Variants in IL2RA observed in about 807,000 individuals in gnomAD.
The protein encoded by IL2RA is interleukin-2 receptor subunit alpha.
In IL2RA, 24 loss-of-function variants were observed where a neutral mutation model predicts 37.8. That is an observed-to-expected ratio of 0.63 (90% CI 0.46 to 0.89). The LOEUF is 0.89. Among genes scored for constraint, IL2RA ranks in the 40% least tolerant of loss-of-function variants. The probability of loss-of-function intolerance (pLI) is 0.00; values close to 1 mark genes in which losing one functional copy is unlikely to be tolerated. For synonymous variants in IL2RA, 125 were observed against 114.6 expected, an observed-to-expected ratio of 1.09 and a Z score of -0.58; for missense variants, 319 against 348.6, an observed-to-expected ratio of 0.92 and a Z score of 0.68.
rs1055714834 is a variant in IL2RA, at chr10:6,054,199, C to T, written c.64+7889G>A. On this transcript the variant is annotated intron_variant, in intron 1 of 7. Coordinates refer to ENST00000379959, the MANE Select transcript of IL2RA (RefSeq NM_000417.3). The surrounding 1 kb of genome is among the most constrained non-coding windows in gnomAD (Gnocchi z 4.5). ...AGGCGGAGCTGCTGGTCAAAAACCC[C>T]CCGGGGAACTGGTTGGGTGTGGGAG... Among the ~76,000 whole-genome samples, 1 of 152,192 alleles carries T rather than the reference C, an allele frequency of 6.6e-6. No homozygotes were observed. Among genetic ancestry groups the T allele is most frequent in the African/African-American group, 2.4e-5 (1 of 41,444 alleles).
rs539350013 is a variant in IL2RA at position 6,010,833 on chromosome 10, C to T, written c.*2039G>A. On this transcript the variant is annotated 3_prime_UTR_variant, in exon 8 of 8. Coordinates refer to ENST00000379959, the MANE Select transcript of IL2RA (RefSeq NM_000417.3). ...TTTGAGAGAAGGACAGATAAATGGTCGATAACATCTTAGTATTATCATGGA... is the reference window on the plus strand; with the variant it reads ...TTTGAGAGAAGGACAGATAAATGGTTGATAACATCTTAGTATTATCATGGA... 2 of 152,148 alleles carry T rather than the reference C, an allele frequency of 1.3e-5. No individual in the cohort carries two copies. Among genetic ancestry groups the T allele is most frequent in the East Asian group, 1.9e-4 (1 of 5,268 alleles). 9.4% of individuals were successfully genotyped at this position (152,148 alleles called of 1,614,324 possible). A position where few individuals can be genotyped will look rare whatever the true frequency, so the allele number is the denominator to read the frequency against.
chr10:6,040,491 G>A (rs1839754980), intron 1 of IL2RA, among the ~76,000 whole-genome samples: 1 of 152,150 alleles, frequency 6.6e-6, no homozygotes, highest in Non-Finnish European at 1.5e-5. Context: ...GTTGTTGCCT[G>A]CCCACATTAC....
intron 1 of IL2RA, among the ~76,000 whole-genome samples, chr10:6,032,205 A>G (rs779342082): frequency 2.0e-5 from 3 of 152,102 alleles, no homozygotes; most frequent in Non-Finnish European, 4.4e-5. Flanking sequence ...ATATATAAAG[A>G]TAAAGATCTA....
intron 1 of IL2RA, among the ~76,000 whole-genome samples, chr10:6,032,558 T>G (rs940476894): frequency 6.6e-6 from 1 of 151,930 alleles, no homozygotes; most frequent in South Asian, 2.1e-4. Context: ...CCGGGTGTGG[T>G]GGTGTGCGCC....
At chr10:6,031,477 T>A (rs548828254) in intron 1 of IL2RA, among the ~76,000 whole-genome samples, 1 of 31,292 alleles carries the variant, frequency 3.2e-5, no homozygotes, top group Non-Finnish European at 5.3e-5. Context: ...TATATATATA[T>A]ATATATATAT....
At chr10:6,050,731 A>G (rs1378393191) in intron 1 of IL2RA, among the ~76,000 whole-genome samples, 1 of 152,252 alleles carries the variant, frequency 6.6e-6, no homozygotes, top group Non-Finnish European at 1.5e-5. Flanking sequence ...TCACAGAAGC[A>G]GAGCACGCAG....
Position 6,012,694 on chromosome 10 carries a change from G to A in IL2RA, c.*178C>T, listed in dbSNP as rs1053883274. The stretch of plus-strand genomic sequence containing the variant: ...TCTCTGATGGGACTGAGCTGGCATA[G>A]AGACAAGGTTGCCACTGCCCCGTGT... On this transcript the variant is annotated 3_prime_UTR_variant, in exon 8 of 8. Transcript: ENST00000379959. This position sits in a 1 kb window ranked among gnomAD's most constrained non-coding sequence, Gnocchi z 4.8. 1.4e-6 allele frequency: 1 copy of A among 694,004 alleles called. No individual in the cohort carries two copies. Among genetic ancestry groups the A allele is most frequent in the Non-Finnish European group, 2.6e-6 (1 of 379,062 alleles). 43.0% of individuals were successfully genotyped at this position (694,004 alleles called of 1,614,324 possible). A position where few individuals can be genotyped will look rare whatever the true frequency, so the allele number is the denominator to read the frequency against.
intron 7 of IL2RA, 109 bp from the exon 8 acceptor site, chr10:6,013,005 T>C (rs1475356854): frequency 1.9e-6 from 2 of 1,043,732 alleles, no homozygotes; most frequent in East Asian, 2.4e-5. Context: ...AATTTTTGTA[T>C]TTTTAGTAGA....
rs1839647386 is a variant in IL2RA at position 6,034,407 on chromosome 10, T to C, written c.65-8382A>G. Among the ~76,000 whole-genome samples the C allele has an allele frequency of 2.0e-5, 3 of 151,854 alleles. No individual in the cohort carries two copies. The East Asian group carries it at 5.8e-4, about 29-fold the overall frequency. On this transcript the variant is annotated intron_variant, in intron 1 of 7. Coordinates refer to ENST00000379959, the MANE Select transcript of IL2RA (RefSeq NM_000417.3). ...GTGTGTGGAAAGGTACGCTGGAGGG[T>C]TGCTCTTTTTCAATCTAATAGGAAT...
Position 6,033,804 on chromosome 10 carries a change from G to C in IL2RA, c.65-7779C>G, listed in dbSNP as rs530747595. On this transcript the variant is annotated intron_variant, in intron 1 of 7. Transcript: ENST00000379959. This position sits in a 1 kb window ranked among gnomAD's most constrained non-coding sequence, Gnocchi z 4.3. The stretch of plus-strand genomic sequence containing the variant: ...GTGGTAGGTGGGTATTGACCAGAAG[G>C]CAGAAGTGATGAAAACGTTTTTGCA... Among the ~76,000 whole-genome samples the C allele has an allele frequency of 6.6e-6, 1 of 152,302 alleles. No homozygotes were observed. The highest frequency in any genetic ancestry group is 1.9e-4 in the East Asian group (1 of 5,190).
intron 1 of IL2RA, among the ~76,000 whole-genome samples, chr10:6,053,470 C>A (rs12722499): frequency 2.6e-5 from 4 of 152,158 alleles, no homozygotes; most frequent in Admixed American, 1.3e-4. Context: ...CAAATAAGAA[C>A]GAAAGGAAAC....
At chr10:6,061,851 T>C (rs1238487757) in intron 1 of IL2RA, among the ~76,000 whole-genome samples, 1 of 152,182 alleles carries the variant, frequency 6.6e-6, no homozygotes, top group African/African-American at 2.4e-5. Flanking sequence ...TTCCCAGAAT[T>C]AATTGTCAAG....
chr10:6,037,569 A>G (rs2132876477), intron 1 of IL2RA, among the ~76,000 whole-genome samples: 1 of 152,328 alleles, frequency 6.6e-6, no homozygotes, highest in East Asian at 1.9e-4. Context: ...GAGCTTTACA[A>G]GGGACACAGG....
chr10:6,058,831 A>C lies in IL2RA; in HGVS notation c.64+3257T>G, dbSNP rs1840085491. Among the ~76,000 whole-genome samples the C allele has an allele frequency of 6.6e-6, 1 of 152,228 alleles. No homozygotes were observed. The highest frequency in any genetic ancestry group is 2.4e-5 in the African/African-American group (1 of 41,444). On this transcript the variant is annotated intron_variant, in intron 1 of 7. Transcript: ENST00000379959. The surrounding 1 kb of genome is among the most constrained non-coding windows in gnomAD (Gnocchi z 4.2). ...GTGCCATATTGGTAATACCAGGAGA[A>C]TTCTCTTTCTGACCACATCCCAGAG...
chr10:6,061,777 G>A (rs1276451341), intron 1 of IL2RA, among the ~76,000 whole-genome samples: 2 of 152,184 alleles, frequency 1.3e-5, no homozygotes, highest in Non-Finnish European at 2.9e-5. Flanking sequence ...ATAATTTCTT[G>A]AGAAACCTGC....
In IL2RA at chr10:6,021,644, A is replaced by T; in HGVS notation, c.417T>A (p.Ile139=). 1.2e-6 allele frequency: 2 copies of T among 1,614,036 alleles called. No individual in the cohort carries two copies. Among genetic ancestry groups the T allele is most frequent in the Non-Finnish European group, 1.7e-6 (2 of 1,180,002 alleles). The change falls in exon 4 of 8, where the codon ATT becomes ATA. Residue 139 remains isoleucine (I), a synonymous_variant. Coordinates refer to ENST00000379959, the MANE Select transcript of IL2RA (RefSeq NM_000417.3). The surrounding 1 kb of genome is among the most constrained non-coding windows in gnomAD (Gnocchi z 4.9). ...CCATCTGCCCCACCACGAAATGATA[A>T]ATTCTCTCTGTGGCTTCATTTTCCC... The part of the protein sequence containing the change: ...PPWENEATER[I]YHFVVGQMVY...
chr10:6,031,435 A>G (rs1467979699), intron 1 of IL2RA, among the ~76,000 whole-genome samples: 3 of 122,648 alleles, frequency 2.4e-5, no homozygotes, highest in African/African-American at 9.1e-5. Context: ...GCAAGTTAGC[A>G]ATTTCAGTAT....
Position 6,033,799 on chromosome 10 carries a change from A to G in IL2RA, c.65-7774T>C, listed in dbSNP as rs1187344309. On this transcript the variant is annotated intron_variant, in intron 1 of 7. Coordinates refer to ENST00000379959, the MANE Select transcript of IL2RA (RefSeq NM_000417.3). This position sits in a 1 kb window ranked among gnomAD's most constrained non-coding sequence, Gnocchi z 4.3. ...TTCTTGTGGTAGGTGGGTATTGACC[A>G]GAAGGCAGAAGTGATGAAAACGTTT... Among the ~76,000 whole-genome samples, 1 of 152,270 alleles carries G rather than the reference A, an allele frequency of 6.6e-6. No individual in the cohort carries two copies. The highest frequency in any genetic ancestry group is 2.4e-5 in the African/African-American group (1 of 41,474).
chr10:6,024,614 G>A (rs56259311), intron 2 of IL2RA, among the ~76,000 whole-genome samples: 67 of 146,940 alleles, frequency 4.6e-4, no homozygotes, highest in Middle Eastern at 6.8e-3. Context: ...TGTATGTTAC[G>A]TGTCTGTGTA....
Sources: allele counts gnomAD v4.1 joint callset (sites outside exome capture counted in the v4.1 genomes callset), GRCh38; gene constraint gnomAD v4.1.1; non-coding constraint Gnocchi (gnomAD v3.1); transcripts MANE v1.5; gene names NCBI Gene and HGNC (gene_info 2026-07-23, HGNC 2026-07-21).